The following ADAM23 variants were observed in gnomAD, a reference collection of about 807,000 sequenced individuals.
The protein encoded by ADAM23 is ADAM metallopeptidase domain 23.
ADAM23 carries 33 observed loss-of-function variants against 120.1 expected under a neutral mutation model. The ratio of observed to expected loss-of-function variants is 0.27; its 90% CI spans 0.21 to 0.37. ADAM23 has a LOEUF of 0.37. Among genes scored for constraint, ADAM23 ranks in the 10% least tolerant of loss-of-function variants. The pLI is 1.00. For missense variants in ADAM23, 862 were observed against 1,058.2 expected (o/e 0.81, Z 2.57); for synonymous variants, 367 against 375.2 (o/e 0.98, Z 0.25).
chr2:206,536,383 A>G (rs1354708960), intron 4 of ADAM23, among the ~76,000 whole-genome samples: 3 of 142,310 alleles, frequency 2.1e-5, no homozygotes, highest in African/African-American at 8.0e-5. Flanking sequence ...AACCACAAAT[A>G]CTTTTGCACC....
rs113438041 is a variant in ADAM23 at position 206,598,635 on chromosome 2, G to A, written c.2359+2473G>A. Among the ~76,000 whole-genome samples, 783 of 152,206 alleles carry A rather than the reference G, an allele frequency of 5.1e-3. 3 individuals carry two copies. The highest frequency in any genetic ancestry group is 6.9e-3 in the Non-Finnish European group (466 of 68,012). On this transcript the variant is annotated intron_variant, in intron 24 of 25. Transcript: ENST00000264377. ...CTTATTGGGCCTGGCTCAGTGGTTC[G>A]CGCCTGTAATCCCAAGACTTTGGGA...
intron 2 of ADAM23, among the ~76,000 whole-genome samples, chr2:206,469,682 C>G (rs865932239): frequency 6.6e-6 from 1 of 152,322 alleles, no homozygotes; most frequent in Middle Eastern, 3.4e-3. Flanking sequence ...CAGTGGCCCA[C>G]AAGGTGCTAC....
intron 2 of ADAM23, among the ~76,000 whole-genome samples, chr2:206,466,625 G>A (rs984023295): frequency 1.3e-5 from 2 of 151,920 alleles, no homozygotes; most frequent in African/African-American, 4.8e-5. Context: ...CCATTACTAC[G>A]AAATTTATTC....
At chr2:206,601,772 CAA>C (rs35118372) in intron 24 of ADAM23, among the ~76,000 whole-genome samples, 17 of 81,128 alleles carry the variant, frequency 2.1e-4, no homozygotes, top group African/African-American at 2.7e-4. Context: ...AGACCCTTCT[CAA>C]AAAAAAAAAA....
intron 25 of ADAM23, among the ~76,000 whole-genome samples, chr2:206,615,028 A>G (rs1185554005): frequency 6.6e-6 from 1 of 152,164 alleles, no homozygotes; most frequent in Non-Finnish European, 1.5e-5. Context: ...TGGGCTAGGG[A>G]CACTTCGTCA....
intron 2 of ADAM23, among the ~76,000 whole-genome samples, chr2:206,449,990 A>G (rs190940432): frequency 6.6e-6 from 1 of 152,290 alleles, no homozygotes; most frequent in Admixed American, 6.5e-5. Flanking sequence ...AAGTGAATTT[A>G]GATCTTGGTG....
chr2:206,484,627 G>C (rs1201965913), intron 3 of ADAM23, among the ~76,000 whole-genome samples: 1 of 152,104 alleles, frequency 6.6e-6, no homozygotes, highest in African/African-American at 2.4e-5. Context: ...GAAGGGAGAT[G>C]AGGTCAAGAG....
chr2:206,498,518 T>G (rs1481928050), intron 3 of ADAM23, among the ~76,000 whole-genome samples: 4 of 152,162 alleles, frequency 2.6e-5, no homozygotes, highest in African/African-American at 4.8e-5. Context: ...GATTAAAGAC[T>G]TACATGTTAG....
chr2:206,464,523 C>T (rs1395636070), intron 2 of ADAM23, among the ~76,000 whole-genome samples: 1 of 151,458 alleles, frequency 6.6e-6, no homozygotes, highest in South Asian at 2.1e-4. Flanking sequence ...TGCAGTGAGC[C>T]GAGAACGCAC....
chr2:206,455,363 G>A (rs1426284131), intron 2 of ADAM23, among the ~76,000 whole-genome samples: 3 of 152,172 alleles, frequency 2.0e-5, no homozygotes, highest in Non-Finnish European at 4.4e-5. Context: ...AGAGCAATGG[G>A]GCCCAGGTCT....
chr2:206,457,551 A>G (rs1389529562), intron 2 of ADAM23, among the ~76,000 whole-genome samples: 1 of 152,144 alleles, frequency 6.6e-6, no homozygotes, highest in East Asian at 1.9e-4. Flanking sequence ...GCCTTCCTCT[A>G]TGACCAGCTG....
chr2:206,586,996 T>G (rs1698333963), intron 18 of ADAM23, among the ~76,000 whole-genome samples: 1 of 152,198 alleles, frequency 6.6e-6, no homozygotes, highest in Non-Finnish European at 1.5e-5. Context: ...GACCGTTCTA[T>G]GTACCAAGCT....
rs556746427 is a variant in ADAM23 at position 206,570,618 on chromosome 2, A to G, written c.1495-122A>G. The G allele has an allele frequency of 8.5e-6, 6 of 707,254 alleles. No homozygotes were observed. The South Asian group carries it at 8.5e-5, about 10-fold the overall frequency. 43.8% of individuals were successfully genotyped at this position (707,254 alleles called of 1,614,324 possible). ...TCATCATTTATAAGATGCCACAACAACAGATCAAAGAAGAATATCACATGA... is the reference window on the plus strand; with the variant it reads ...TCATCATTTATAAGATGCCACAACAGCAGATCAAAGAAGAATATCACATGA... On this transcript the variant is annotated intron_variant, in intron 15 of 25. Transcript: ENST00000264377.
At chr2:206,605,672 A>G in intron 24 of ADAM23, 1 of 650,952 alleles carries the variant, frequency 1.5e-6, no homozygotes, top group Non-Finnish European at 2.7e-6. Context: ...ATCTTATAGC[A>G]AAAAAATTCA....
At chr2:206,566,686 G>A (rs189380438) in intron 14 of ADAM23, among the ~76,000 whole-genome samples, 42 of 152,152 alleles carry the variant, frequency 2.8e-4, no homozygotes, top group African/African-American at 9.2e-4. Flanking sequence ...AAAAACATAC[G>A]TGCATATACA....
chr2:206,523,131 A>G (rs921677912), intron 3 of ADAM23, among the ~76,000 whole-genome samples: 10 of 151,626 alleles, frequency 6.6e-5, no homozygotes, highest in African/African-American at 2.4e-4. Flanking sequence ...TTGTTTCTCC[A>G]CTCTACAATT....
chr2:206,517,354 G>C (rs1696755829), intron 3 of ADAM23, among the ~76,000 whole-genome samples: 1 of 152,162 alleles, frequency 6.6e-6, no homozygotes, highest in Admixed American at 6.5e-5. Flanking sequence ...TTACCTGGGG[G>C]CTAAGCCCTG....
chr2:206,603,506 A>G (rs1487845198), intron 24 of ADAM23, among the ~76,000 whole-genome samples: 1 of 152,198 alleles, frequency 6.6e-6, no homozygotes, highest in East Asian at 1.9e-4. Context: ...AATGGGAGGG[A>G]GAGAGAACAG....
At chr2:206,538,364 A>AT (rs1697223824) in intron 4 of ADAM23, among the ~76,000 whole-genome samples, 1 of 152,192 alleles carries the variant, frequency 6.6e-6, no homozygotes, top group East Asian at 1.9e-4. Flanking sequence ...CAGCTCACTG[A>AT]TTTTTAAAAT....
Sources: gnomAD v4.1 joint callset for allele counts (sites outside exome capture counted in the v4.1 genomes callset) on GRCh38, gnomAD v4.1.1 for gene constraint, MANE v1.5 for transcripts, NCBI Gene and HGNC (gene_info 2026-07-23, HGNC 2026-07-21) for gene names.